TRPC5: variants seen among roughly 807,000 people sequenced by gnomAD.
TRPC5 encodes transient receptor potential cation channel subfamily C member 5.
TRPC5 carries 9 observed loss-of-function variants against 56.5 expected under a neutral mutation model. The observed-to-expected ratio is 0.16, with a 90% confidence interval of 0.10 to 0.28. TRPC5 has a LOEUF of 0.28. Among genes scored for constraint, TRPC5 ranks in the 10% least tolerant of loss-of-function variants. The pLI, the probability that TRPC5 is intolerant of heterozygous loss-of-function variation, is 1.00. For synonymous variants in TRPC5, 282 were observed against 278.5 expected (o/e 1.01, Z -0.13); for missense variants, 469 against 748.9 (o/e 0.63, Z 4.36).
intron 7 of TRPC5, among the ~76,000 whole-genome samples, chrX:111,816,273 C>T (rs1257323766): frequency 8.9e-6 from 1 of 112,261 alleles, no homozygotes; most frequent in Non-Finnish European, 1.9e-5. Context: ...CCTGCAAGGT[C>T]TTCACAGTCA....
At chrX:111,850,453 T>C (rs923390027) in intron 5 of TRPC5, among the ~76,000 whole-genome samples, 1 of 112,103 alleles carries the variant, frequency 8.9e-6, no homozygotes, top group Non-Finnish European at 1.9e-5. Context: ...AAGGAGCCTA[T>C]GTCGCAGTTC....
intron 7 of TRPC5, among the ~76,000 whole-genome samples, chrX:111,792,762 C>G (rs1240224623): frequency 8.9e-6 from 1 of 112,246 alleles, no homozygotes; most frequent in Non-Finnish European, 1.9e-5. Context: ...CATCCAGGCA[C>G]TTTGGGCCCT....
At chrX:111,863,630 C>T (rs930847815) in intron 3 of TRPC5, among the ~76,000 whole-genome samples, 6 of 111,846 alleles carry the variant, frequency 5.4e-5, no homozygotes, top group Non-Finnish European at 9.4e-5. Flanking sequence ...ATTGACCTGG[C>T]TAGAATCTTC....
intron 7 of TRPC5, among the ~76,000 whole-genome samples, chrX:111,789,468 G>C (rs1223321179): frequency 8.9e-6 from 1 of 112,241 alleles, no homozygotes; most frequent in East Asian, 2.8e-4. Flanking sequence ...AATCCTAGAA[G>C]AAAACCTAGG....
intron 1 of TRPC5, 25 bp from the exon 2 acceptor site, chrX:111,952,466 C>G: frequency 8.6e-7 from 1 of 1,164,531 alleles, no homozygotes; most frequent in Non-Finnish European, 1.1e-6. Flanking sequence ...AGAGAAAGAC[C>G]AAAATATCCT....
intron 2 of TRPC5, among the ~76,000 whole-genome samples, chrX:111,939,899 G>C (rs772153535): frequency 1.3e-3 from 144 of 110,667 alleles, no homozygotes; most frequent in Non-Finnish European, 2.2e-3. Context: ...TTTCTGCTCT[G>C]ATCTTTATTA....
chrX:111,991,086 T>C (rs1351588156), intron 1 of TRPC5, among the ~76,000 whole-genome samples: 1 of 111,927 alleles, frequency 8.9e-6, no homozygotes, highest in Non-Finnish European at 1.9e-5. Context: ...GTCTCTTTCC[T>C]CTTTCCTTCC....
chrX:111,785,177 A>G (rs1945951815), intron 7 of TRPC5, among the ~76,000 whole-genome samples: 1 of 111,908 alleles, frequency 8.9e-6, no homozygotes, highest in African/African-American at 3.3e-5. Flanking sequence ...TCCCTCTGGG[A>G]TGAAGCTTCC....
intron 3 of TRPC5, among the ~76,000 whole-genome samples, chrX:111,910,752 G>A (rs1925791681): frequency 8.9e-6 from 1 of 111,881 alleles, no homozygotes; most frequent in Non-Finnish European, 1.9e-5. Flanking sequence ...GGCTGGTCTC[G>A]AACTCTTGAC....
intron 1 of TRPC5, among the ~76,000 whole-genome samples, chrX:112,015,915 C>T (rs1929109707): frequency 1.8e-5 from 2 of 111,536 alleles, no homozygotes; most frequent in Non-Finnish European, 3.8e-5. Flanking sequence ...GCCTCCATCT[C>T]CCCCTGCCAT....
chrX:111,869,545 G>A (rs1923668158), intron 3 of TRPC5, among the ~76,000 whole-genome samples: 1 of 112,184 alleles, frequency 8.9e-6, no homozygotes, highest in Non-Finnish European at 1.9e-5. Context: ...ATGGAGGAAG[G>A]TGAGGCTAGG....
rs1945863884 is a variant in TRPC5 at position 111,774,613 on chromosome X, T to A, written c.*1700A>T. On this transcript the variant is annotated 3_prime_UTR_variant, in exon 11 of 11. Transcript: ENST00000262839. ...ATATGAGGCTTTATTCTTCAAAACC[T>A]CCTCCTATTTCTGGCCCCTCCCCCT... 1 of 111,072 alleles carries A rather than the reference T, an allele frequency of 9.0e-6. No homozygotes were observed. The highest frequency in any genetic ancestry group is 1.9e-5 in the Non-Finnish European group (1 of 52,943). 9.2% of individuals were successfully genotyped at this position (111,072 alleles called of 1,213,427 possible). A position where few individuals can be genotyped will look rare whatever the true frequency, so the allele number is the denominator to read the frequency against.
intron 2 of TRPC5, among the ~76,000 whole-genome samples, chrX:111,920,161 T>A (rs991620363): frequency 9.0e-6 from 1 of 110,782 alleles, no homozygotes; most frequent in African/African-American, 3.3e-5. Flanking sequence ...TGTAATCCCA[T>A]CTACTCGGGA....
chrX:111,819,019 A>G (rs1266502058), intron 7 of TRPC5, among the ~76,000 whole-genome samples: 1 of 112,025 alleles, frequency 8.9e-6, no homozygotes, highest in Non-Finnish European at 1.9e-5. Flanking sequence ...TTGTCTAAAG[A>G]TGTACAGCTA....
At chrX:111,850,814 G>A (rs961929367) in intron 5 of TRPC5, among the ~76,000 whole-genome samples, 1 of 111,960 alleles carries the variant, frequency 8.9e-6, no homozygotes, top group Non-Finnish European at 1.9e-5. Flanking sequence ...CTACAGATAC[G>A]TTTTTCACAT....
intron 2 of TRPC5, among the ~76,000 whole-genome samples, chrX:111,924,746 T>C: frequency 8.9e-6 from 1 of 112,614 alleles, no homozygotes; most frequent in Non-Finnish European, 1.9e-5. Flanking sequence ...TATCCACACC[T>C]GAGGCAGGCC....
chrX:112,007,657 A>G (rs1174526347), intron 1 of TRPC5, among the ~76,000 whole-genome samples: 1 of 111,204 alleles, frequency 9.0e-6, no homozygotes, highest in Non-Finnish European at 1.9e-5. Context: ...AGTCTCCCCT[A>G]TATTCTCAGC....
In TRPC5 at chrX:111,847,286, A is replaced by G; in HGVS notation, c.1528T>C (p.Leu510=). The G allele has an allele frequency of 8.3e-7, 1 of 1,211,336 alleles. No homozygotes were observed. The highest frequency in any genetic ancestry group is 1.1e-6 in the Non-Finnish European group (1 of 895,517). ...AGGATATCAAGCAGCATGCGTCCCAAAGAGATCTGCAGAGGTCCTAAGTGG... is the reference window on the plus strand; with the variant it reads ...AGGATATCAAGCAGCATGCGTCCCAGAGAGATCTGCAGAGGTCCTAAGTGG... The part of the protein sequence containing the change: ...NSHLGPLQIS[L]GRMLLDILKF... The change falls in exon 6 of 11, where the codon TTG becomes CTG. Residue 510 remains leucine (L), a synonymous_variant. Transcript: ENST00000262839.
At chrX:112,027,101 CCCTTTAGTGA>C (rs1397774842) in intron 1 of TRPC5, among the ~76,000 whole-genome samples, 2 of 111,537 alleles carry the variant, frequency 1.8e-5, no homozygotes, top group Non-Finnish European at 3.8e-5. Flanking sequence ...TCTGAACTTG[CCCTTTAGTGA>C]CCTTCTCTAA....
Sources: gnomAD v4.1 joint callset for allele counts (sites outside exome capture counted in the v4.1 genomes callset) on GRCh38, gnomAD v4.1.1 for gene constraint, MANE v1.5 for transcripts, NCBI Gene and HGNC (gene_info 2026-07-23, HGNC 2026-07-21) for gene names.